ZC3H18: variants seen among roughly 807,000 people sequenced by gnomAD.
ZC3H18 encodes zinc finger CCCH domain-containing protein 18.
ZC3H18 carries 8 observed loss-of-function variants against 106.1 expected under a neutral mutation model. That is an observed-to-expected ratio of 0.08 (90% CI 0.04 to 0.14). ZC3H18 has a LOEUF of 0.14. Among genes scored for constraint, ZC3H18 ranks in the 10% least tolerant of loss-of-function variants. The pLI is 1.00. For synonymous variants in ZC3H18, 635 were observed against 522.1 expected (o/e 1.22, Z -2.95); for missense variants, 1,318 against 1,278.4 (o/e 1.03, Z -0.47).
At chr16:88,615,728 C>G (rs549946975) in intron 8 of ZC3H18, among the ~76,000 whole-genome samples, 1 of 152,158 alleles carries the variant, frequency 6.6e-6, no homozygotes. Flanking sequence ...GTTTATGAGT[C>G]CGTCAGCATG....
At position 88,627,872 on chromosome 16, in the gene ZC3H18, A is replaced by C; in HGVS notation, c.2270-48A>C. On this transcript the variant is annotated intron_variant, in intron 14 of 17. Transcript: ENST00000301011. This position sits in a 1 kb window ranked among gnomAD's most constrained non-coding sequence, Gnocchi z 4.5. ...ACTTTGCCTGGCTGTTGGTGTGGCCATGGGAAAATCACCAGTACCCCCATG... is the reference window on the plus strand; with the variant it reads ...ACTTTGCCTGGCTGTTGGTGTGGCCCTGGGAAAATCACCAGTACCCCCATG... 6.2e-7 allele frequency: 1 copy of C among 1,613,300 alleles called. No individual in the cohort carries two copies. The highest frequency in any genetic ancestry group is 1.1e-5 in the South Asian group (1 of 91,082).
rs537064750 is a variant in ZC3H18 at position 88,599,778 on chromosome 16, C to T, written c.931-13C>T. On this transcript the variant is annotated splice_polypyrimidine_tract_variant and intron_variant, in intron 5 of 17. Transcript: ENST00000301011. ...TCTGTTCCATGTTGACTTCTTTCTT[C>T]TTACAATGGTAGGTTTTAAAAAAAG... is the stretch of plus-strand genomic sequence containing the variant. The T allele has an allele frequency of 6.2e-7, 1 of 1,601,646 alleles. No individual in the cohort carries two copies. The highest frequency in any genetic ancestry group is 1.4e-5 in the African/African-American group (1 of 73,850).
rs753518759 is a variant in ZC3H18, at chr16:88,577,486, G to A, written c.363G>A (p.Arg121=). Residue 121 remains arginine, a synonymous_variant, in exon 2 of 18, where the codon AGG becomes AGA. Coordinates refer to ENST00000301011, the MANE Select transcript of ZC3H18 (RefSeq NM_144604.4). The part of the protein sequence containing the change: ...DLRDEASSVT[R]ELDEHELDYD... ...GGGATGAGGCCTCCTCAGTCACCAG[G>A]GAGCTGGATGAGCATGAGCTAGACT... is the stretch of plus-strand genomic sequence containing the variant. 2 of 1,612,964 alleles carry A rather than the reference G, an allele frequency of 1.2e-6. No individual in the cohort carries two copies. Among genetic ancestry groups the A allele is most frequent in the Middle Eastern group, 1.7e-4 (1 of 6,046 alleles).
At chr16:88,583,003 G>A (rs528038003) in intron 2 of ZC3H18, among the ~76,000 whole-genome samples, 10 of 152,324 alleles carry the variant, frequency 6.6e-5, no homozygotes, top group South Asian at 6.2e-4. Flanking sequence ...TGATAGACCC[G>A]TATTTTCACC....
chr16:88,586,564 G>C, intron 2 of ZC3H18, 36 bp from the exon 3 acceptor site: 1 of 1,567,796 alleles, frequency 6.4e-7, no homozygotes, highest in Non-Finnish European at 8.8e-7. Flanking sequence ...ATTGATAGAT[G>C]CCTCCCCCAC....
intron 8 of ZC3H18, among the ~76,000 whole-genome samples, chr16:88,616,093 A>C (rs948525973): frequency 2.0e-5 from 3 of 152,186 alleles, no homozygotes; most frequent in Non-Finnish European, 2.9e-5. Flanking sequence ...CAGCATGGCC[A>C]CCAGGCAGCA....
At position 88,625,271 on chromosome 16, in the gene ZC3H18, A is replaced by G; in HGVS notation, c.2108+4A>G. The G allele has an allele frequency of 6.3e-7, 1 of 1,584,874 alleles. No individual in the cohort carries two copies. The highest frequency in any genetic ancestry group is 1.2e-5 in the South Asian group (1 of 86,484). On this transcript the variant is annotated splice_donor_region_variant and intron_variant, in intron 13 of 17. Coordinates refer to ENST00000301011, the MANE Select transcript of ZC3H18 (RefSeq NM_144604.4). ...GTGGTTCCAGCTCCCGATCCAGGTC[A>G]TCCCCATCACCCTGTGCCTCTGTTT...
At chr16:88,570,793 C>T (rs1425483371) in intron 1 of ZC3H18, among the ~76,000 whole-genome samples, 1 of 152,084 alleles carries the variant, frequency 6.6e-6, no homozygotes, top group Non-Finnish European at 1.5e-5. Context: ...TCCTGGGGCG[C>T]CCTGGGCGCC....
intron 7 of ZC3H18, among the ~76,000 whole-genome samples, chr16:88,610,763 A>G (rs1905231954): frequency 6.6e-6 from 1 of 152,250 alleles, no homozygotes; most frequent in African/African-American, 2.4e-5. Flanking sequence ...GCTCTGCTCC[A>G]GAGGCAGGGC....
chr16:88,586,289 C>T (rs941631642), intron 2 of ZC3H18, among the ~76,000 whole-genome samples: 3 of 152,070 alleles, frequency 2.0e-5, no homozygotes, highest in Non-Finnish European at 4.4e-5. Flanking sequence ...TTTAAAACCC[C>T]GAAGTGTTAC....
At chr16:88,572,261 T>TCC (rs1311802587) in intron 1 of ZC3H18, among the ~76,000 whole-genome samples, 1 of 152,220 alleles carries the variant, frequency 6.6e-6, no homozygotes, top group African/African-American at 2.4e-5. Flanking sequence ...CTGTGCATCC[T>TCC]CCCAGAGGGG....
At chr16:88,574,858 C>G (rs1366412029) in intron 1 of ZC3H18, among the ~76,000 whole-genome samples, 1 of 141,348 alleles carries the variant, frequency 7.1e-6, no homozygotes, top group African/African-American at 2.6e-5. Context: ...GAGACGGAGT[C>G]TCGCTCTGTC....
In ZC3H18 at chr16:88,593,238, G is replaced by A. The variant is rs148886040; in HGVS notation, c.689-4940G>A. On this transcript the variant is annotated intron_variant, in intron 3 of 17. Transcript: ENST00000301011. Reference sequence around the variant, plus strand: ...CTCCTGCCAATGCGTCAGAAGGAAGGTCACCTGCCCCCAGTGATCCTGGGT... The same window carrying A: ...CTCCTGCCAATGCGTCAGAAGGAAGATCACCTGCCCCCAGTGATCCTGGGT... Among the ~76,000 whole-genome samples, 296 of 152,234 alleles carry A rather than the reference G, an allele frequency of 1.9e-3. 1 individual carries two copies. Among genetic ancestry groups the A allele is most frequent in the African/African-American group, 6.5e-3 (272 of 41,530 alleles).
intron 6 of ZC3H18, among the ~76,000 whole-genome samples, chr16:88,604,005 C>G (rs1236725633): frequency 6.6e-6 from 1 of 152,028 alleles, no homozygotes; most frequent in Non-Finnish European, 1.5e-5. Flanking sequence ...TTTAAATATT[C>G]CGTTTCTACC....
At chr16:88,587,563 C>CCATTGGTGGA in intron 3 of ZC3H18, 3 of 1,536,148 alleles carry the variant, frequency 2.0e-6, no homozygotes, top group Non-Finnish European at 2.6e-6. Context: ...CCATTATCCA[C>CCATTGGTGGA]TCTTCTTCCA....
chr16:88,598,803 GC>G, intron 5 of ZC3H18, 91 bp downstream of exon 5: 1 of 1,192,278 alleles, frequency 8.4e-7, no homozygotes, highest in Non-Finnish European at 1.2e-6. Flanking sequence ...TCCAGAGAGA[GC>G]CCCAGAAATC....
intron 6 of ZC3H18, among the ~76,000 whole-genome samples, chr16:88,606,561 G>A (rs547344730): frequency 2.6e-4 from 40 of 152,316 alleles, no homozygotes; most frequent in Non-Finnish European, 5.4e-4. Context: ...TTGGGCTTAC[G>A]CAATCAGCCT....
At chr16:88,606,078 C>G (rs1904996998) in intron 6 of ZC3H18, among the ~76,000 whole-genome samples, 1 of 152,250 alleles carries the variant, frequency 6.6e-6, no homozygotes, top group South Asian at 2.1e-4. Context: ...TTGCTGCGAG[C>G]CAGCTTTGCC....
intron 8 of ZC3H18, among the ~76,000 whole-genome samples, chr16:88,612,069 G>T (rs937047927): frequency 6.6e-6 from 1 of 152,098 alleles, no homozygotes; most frequent in African/African-American, 2.4e-5. Flanking sequence ...GGGTGCCTTG[G>T]GTGCAGAATG....
Sources: allele counts gnomAD v4.1 joint callset (sites outside exome capture counted in the v4.1 genomes callset), GRCh38; gene constraint gnomAD v4.1.1; non-coding constraint Gnocchi (gnomAD v3.1); transcripts MANE v1.5; gene names NCBI Gene and HGNC (gene_info 2026-07-23, HGNC 2026-07-21).